Variants in NR5A2 observed in about 807,000 individuals in gnomAD.
NR5A2 encodes the protein CYP7A promoter-binding factor.
In NR5A2, 26 loss-of-function variants were observed where a neutral mutation model predicts 62.7. The observed-to-expected ratio is 0.41, with a 90% CI of 0.30 to 0.58. The LOEUF (loss-of-function observed/expected upper bound fraction) is 0.58, where lower values mean the gene tolerates loss of function less well. Among genes scored for constraint, NR5A2 ranks in the 20% least tolerant of loss-of-function variants. The probability of loss-of-function intolerance (pLI) is 0.22; values close to 1 mark genes in which losing one functional copy is unlikely to be tolerated. For synonymous variants in NR5A2, 246 were observed against 241.7 expected, an observed-to-expected ratio of 1.02 and a Z score of -0.16; for missense variants, 541 against 669.1, an observed-to-expected ratio of 0.81 and a Z score of 2.11.
At chr1:200,038,758 C>G (rs758711286) in intron 1 of NR5A2, 2 of 1,364,808 alleles carry the variant, frequency 1.5e-6, no homozygotes, top group South Asian at 2.3e-5. Context: ...AGACAGAGGT[C>G]GCTTCTGACT....
chr1:200,091,467 T>TAC (rs1374664376), intron 5 of NR5A2, among the ~76,000 whole-genome samples: 1 of 150,692 alleles, frequency 6.6e-6, no homozygotes, highest in Admixed American at 6.7e-5. Flanking sequence ...TGCACCTCCT[T>TAC]ACCCTTTGCT....
At chr1:200,069,631 T>C in intron 5 of NR5A2, among the ~76,000 whole-genome samples, 2 of 152,314 alleles carry the variant, frequency 1.3e-5, no homozygotes, top group Middle Eastern at 3.4e-3. Flanking sequence ...TAGGAAACTG[T>C]GGGGTTTCCT....
At chr1:200,108,081 CGTGTGTGTGTGTGTGT>C (rs71132660) in intron 5 of NR5A2, among the ~76,000 whole-genome samples, 6 of 146,766 alleles carry the variant, frequency 4.1e-5, no homozygotes, top group East Asian at 4.2e-4. Flanking sequence ...AGAAGACATA[CGTGTGTGTGTGTGTGT>C]GTGTGTGTGT....
chr1:200,065,316 G>T (rs1663416893), intron 5 of NR5A2, among the ~76,000 whole-genome samples: 1 of 151,204 alleles, frequency 6.6e-6, no homozygotes. Flanking sequence ...GTTAACTTTT[G>T]TATTTTTAGG....
intron 7 of NR5A2, among the ~76,000 whole-genome samples, chr1:200,142,405 CCA>C (rs1322779369): frequency 1.3e-5 from 2 of 151,818 alleles, no homozygotes; most frequent in African/African-American, 4.8e-5. Context: ...CCCATCTTGG[CCA>C]GGTTGGTCTC....
At chr1:200,167,089 G>C (rs149356404) in intron 7 of NR5A2, among the ~76,000 whole-genome samples, 180 of 152,094 alleles carry the variant, frequency 1.2e-3, no homozygotes, top group South Asian at 1.7e-3. Context: ...CTAACTCCTG[G>C]GATTTCACCC....
At chr1:200,086,494 G>C (rs1379108848) in intron 5 of NR5A2, among the ~76,000 whole-genome samples, 3 of 151,992 alleles carry the variant, frequency 2.0e-5, no homozygotes, top group East Asian at 1.9e-4. Flanking sequence ...TTAGAGACGG[G>C]GTTTCTCCAT....
At chr1:200,046,922 C>T (rs866758787) in intron 4 of NR5A2, among the ~76,000 whole-genome samples, 4 of 152,262 alleles carry the variant, frequency 2.6e-5, no homozygotes, top group Middle Eastern at 6.8e-3. Flanking sequence ...GGTACATGCT[C>T]ATGCTTCCTT....
chr1:200,099,429 C>A (rs1422998331), intron 5 of NR5A2, among the ~76,000 whole-genome samples: 2 of 151,742 alleles, frequency 1.3e-5, no homozygotes, highest in Non-Finnish European at 2.9e-5. Context: ...GGAGCATGCC[C>A]TCTGGAATAT....
Position 200,177,350 on chromosome 1 carries a change from C to G in NR5A2, c.*3140C>G, listed in dbSNP as rs1034686584. The stretch of plus-strand genomic sequence containing the variant: ...TTGTCATGTCAGTTCTTGCCAGGAA[C>G]TTCTCAACAAAATGGAATTTTTTTT... On this transcript the variant is annotated 3_prime_UTR_variant, in exon 8 of 8. Transcript: ENST00000367362. 4.0e-5 allele frequency: 5 copies of G among 126,388 alleles called. No individual in the cohort carries two copies. The highest frequency in any genetic ancestry group is 1.5e-4 in the African/African-American group (5 of 33,276). 7.8% of individuals were successfully genotyped at this position (126,388 alleles called of 1,614,324 possible).
At chr1:200,169,141 C>T (rs1294081379) in intron 7 of NR5A2, among the ~76,000 whole-genome samples, 1 of 151,998 alleles carries the variant, frequency 6.6e-6, no homozygotes, top group Non-Finnish European at 1.5e-5. Flanking sequence ...CCCAGGAGTT[C>T]AAGGCTACAG....
chr1:200,028,227 C>A (rs1198518156), intron 1 of NR5A2, among the ~76,000 whole-genome samples: 2 of 151,604 alleles, frequency 1.3e-5, no homozygotes, highest in Non-Finnish European at 2.9e-5. Context: ...AATTTTTAAT[C>A]AGAAATAATA....
chr1:200,131,337 G>A (rs1666962467), intron 7 of NR5A2, among the ~76,000 whole-genome samples: 1 of 152,106 alleles, frequency 6.6e-6, no homozygotes, highest in Admixed American at 6.5e-5. Flanking sequence ...TTACAGCCAT[G>A]GAAGAAGTGA....
At chr1:200,052,853 G>A (rs1662713431) in intron 5 of NR5A2, among the ~76,000 whole-genome samples, 2 of 152,040 alleles carry the variant, frequency 1.3e-5, no homozygotes, top group Non-Finnish European at 2.9e-5. Context: ...TGTTAGCCAG[G>A]ATGGTCTTGA....
rs1248730662 is a variant in NR5A2, at chr1:200,174,845, T to C, written c.*635T>C. ...GTGTCTTAGACCTGCAAACAGCTAA[T>C]AGGAAATTCTATTAATATGTTAGCT... On this transcript the variant is annotated 3_prime_UTR_variant, in exon 8 of 8. Transcript: ENST00000367362. 6.5e-6 allele frequency: 1 copy of C among 152,678 alleles called. No homozygotes were observed. Among genetic ancestry groups the C allele is most frequent in the Non-Finnish European group, 1.5e-5 (1 of 68,042 alleles). 9.5% of individuals were successfully genotyped at this position (152,678 alleles called of 1,614,324 possible). A position where few individuals can be genotyped will look rare whatever the true frequency, so the allele number is the denominator to read the frequency against.
intron 5 of NR5A2, among the ~76,000 whole-genome samples, chr1:200,080,237 A>G (rs1664233486): frequency 6.6e-6 from 1 of 152,204 alleles, no homozygotes; most frequent in Admixed American, 6.5e-5. Flanking sequence ...AGAACTGGTC[A>G]CTAGATTAAT....
intron 5 of NR5A2, among the ~76,000 whole-genome samples, chr1:200,052,728 G>A (rs547097613): frequency 1.3e-5 from 2 of 151,770 alleles, no homozygotes; most frequent in South Asian, 2.1e-4. Flanking sequence ...TGCAAGCTCC[G>A]CCTCTTGGGT....
chr1:200,106,294 T>C (rs1665662422), intron 5 of NR5A2, among the ~76,000 whole-genome samples: 1 of 152,180 alleles, frequency 6.6e-6, no homozygotes, highest in African/African-American at 2.4e-5. Flanking sequence ...CCTGACCTTG[T>C]GATCTGCCTG....
In NR5A2 at chr1:200,048,654, C is replaced by A. The variant is rs745326903; in HGVS notation, c.946C>A (p.Pro316Thr). 1.9e-6 allele frequency: 3 copies of A among 1,614,180 alleles called. No homozygotes were observed. Among genetic ancestry groups the A allele is most frequent in the Admixed American group, 3.3e-5 (2 of 60,024 alleles). Residue 316 changes from proline to threonine, a missense_variant, in exon 5 of 8, where the codon CCT becomes ACT. Physicochemically the swap from Pro to Thr is conservative, Grantham distance 38. Transcript: ENST00000367362. The surrounding 1 kb of genome is among the most constrained non-coding windows in gnomAD (Gnocchi z 4.8). ...LELLKCEPDEPQVQAKIMAYL... is the reference protein window; with the variant it reads ...LELLKCEPDETQVQAKIMAYL... ...ACTTTTGAAGTGTGAGCCAGATGAGCCTCAAGTCCAGGCTAAAATCATGGC... is the reference window on the plus strand; with the variant it reads ...ACTTTTGAAGTGTGAGCCAGATGAGACTCAAGTCCAGGCTAAAATCATGGC...
Sources: allele counts gnomAD v4.1 joint callset (sites outside exome capture counted in the v4.1 genomes callset), GRCh38; gene constraint gnomAD v4.1.1; non-coding constraint Gnocchi (gnomAD v3.1); transcripts MANE v1.5; gene names NCBI Gene and HGNC (gene_info 2026-07-23, HGNC 2026-07-21).